Variants in SLC18A2 observed in about 807,000 individuals in gnomAD.
SLC18A2 encodes synaptic vesicular amine transporter.
A neutral mutation model predicts 59.2 loss-of-function variants in SLC18A2; 33 were observed. That is an observed-to-expected ratio of 0.56 (90% confidence interval 0.42 to 0.75). The LOEUF is 0.75. Ranked by LOEUF, SLC18A2 falls within the 30% of genes least tolerant of loss-of-function variation. The pLI is 0.00. For missense variants in SLC18A2, 569 were observed against 668.6 expected, an observed-to-expected ratio of 0.85 and a Z score of 1.64; for synonymous variants, 228 against 253.5, an observed-to-expected ratio of 0.90 and a Z score of 0.95.
intron 15 of SLC18A2, among the ~76,000 whole-genome samples, chr10:117,271,229 G>A (rs958746462): frequency 3.3e-5 from 5 of 152,228 alleles, no homozygotes; most frequent in Non-Finnish European, 5.9e-5. Flanking sequence ...GGTGAAAGGA[G>A]AGTGTCTTGG....
chr10:117,276,238 G>A (rs1844488939), intron 15 of SLC18A2, among the ~76,000 whole-genome samples: 1 of 152,076 alleles, frequency 6.6e-6, no homozygotes, highest in South Asian at 2.1e-4. Context: ...GCAGTGAGCT[G>A]AGATCGCACC....
In SLC18A2 at chr10:117,246,611, G is replaced by T. The variant is rs559577297; in HGVS notation, c.464+2298G>T. 7.9e-5 allele frequency among the ~76,000 whole-genome samples: 12 copies of T among 152,276 alleles called. 1 individual carries two copies. The South Asian group carries it at 2.5e-3, about 32-fold the overall frequency. On this transcript the variant is annotated intron_variant, in intron 3 of 15. Transcript: ENST00000644641. Reference sequence around the variant, plus strand: ...CCAGCTACCGAGCAAATTTGAAAATGATTTTCTAGTGCTGCCTGGTAATAT... The same window carrying T: ...CCAGCTACCGAGCAAATTTGAAAATTATTTTCTAGTGCTGCCTGGTAATAT...
At chr10:117,267,237 A>G (rs1044821696) in intron 12 of SLC18A2, 1 of 562,632 alleles carries the variant, frequency 1.8e-6, no homozygotes, top group Non-Finnish European at 3.1e-6. Flanking sequence ...GTCAGAAATT[A>G]TTTAAAATGT....
chr10:117,254,323 G>T, intron 5 of SLC18A2, 82 bp from the exon 6 acceptor site: 1 of 1,295,870 alleles, frequency 7.7e-7, no homozygotes. Context: ...CACAAGGCTG[G>T]CTGGAGAGGG....
chr10:117,276,071 A>C (rs1331598108), intron 15 of SLC18A2, among the ~76,000 whole-genome samples: 1 of 151,370 alleles, frequency 6.6e-6, no homozygotes, highest in Non-Finnish European at 1.5e-5. Context: ...CAGGAAGATC[A>C]CTTGAGCCCA....
chr10:117,243,250 C>A (rs563205118), intron 2 of SLC18A2, among the ~76,000 whole-genome samples: 1 of 152,296 alleles, frequency 6.6e-6, no homozygotes, highest in Middle Eastern at 3.4e-3. Flanking sequence ...TCTTTTGAGC[C>A]TCTCTTTCTT....
Position 117,278,512 on chromosome 10 carries a change from A to G in SLC18A2, c.*1246A>G, listed in dbSNP as rs1844532443. The G allele has an allele frequency of 6.6e-6, 1 of 152,210 alleles. No homozygotes were observed. Among genetic ancestry groups the G allele is most frequent in the African/African-American group, 2.4e-5 (1 of 41,450 alleles). 9.4% of individuals were successfully genotyped at this position (152,210 alleles called of 1,614,324 possible). On this transcript the variant is annotated 3_prime_UTR_variant, in exon 16 of 16. Transcript: ENST00000644641. The stretch of plus-strand genomic sequence containing the variant: ...GTAACAGCAAATACTGTTAGTGAAC[A>G]TTGTCAATTTATGTCATTTTGTTAA...
Position 117,244,286 on chromosome 10 carries a change from A to G in SLC18A2, c.437A>G (p.Asn146Ser), listed in dbSNP as rs2133726023. 1.2e-6 allele frequency: 2 copies of G among 1,613,970 alleles called. No homozygotes were observed. Among genetic ancestry groups the G allele is most frequent in the East Asian group, 2.2e-5 (1 of 44,872 alleles). ...AAAGCCACCGTCCAGCTCATCACCA[A>G]CCCTTTCATAGGACTACTGACCAAC... ...ASKATVQLIT[N>S]PFIGLLTNRI... Residue 146 changes from asparagine (N) to serine (S), a missense_variant, in exon 3 of 16, where the codon AAC (asparagine) becomes AGC (serine). Around this residue, in one of 2 missense-constraint regions of SLC18A2, gnomAD observed 377 missense variants for 389.8 expected, o/e 0.97. Transcript: ENST00000644641.
chr10:117,249,516 T>G (rs1469772813), intron 3 of SLC18A2, among the ~76,000 whole-genome samples: 2 of 152,110 alleles, frequency 1.3e-5, no homozygotes, highest in African/African-American at 2.4e-5. Context: ...CTTTTAGGAG[T>G]GTGTAGGGAT....
In SLC18A2 at chr10:117,241,786, G is replaced by T; in HGVS notation, c.93G>T (p.Leu31=). ...LILFIVFLAL[L]LDNMLLTVVV... The stretch of plus-strand genomic sequence containing the variant: ...TGTTCATCGTGTTCCTGGCGCTGCT[G>T]CTGGACAACATGCTGCTCACTGTCG... The change falls in exon 2 of 16, where the codon CTG becomes CTT. Residue 31 remains leucine, a synonymous_variant. Coordinates refer to ENST00000644641, the MANE Select transcript of SLC18A2 (RefSeq NM_003054.6). The T allele has an allele frequency of 6.2e-7, 1 of 1,611,006 alleles. No homozygotes were observed. Among genetic ancestry groups the T allele is most frequent in the Non-Finnish European group, 8.5e-7 (1 of 1,179,080 alleles).
intron 3 of SLC18A2, 81 bp from the exon 4 acceptor site, chr10:117,253,318 G>A (rs2133732377): frequency 3.9e-6 from 4 of 1,019,552 alleles, no homozygotes; most frequent in African/African-American, 1.6e-5. Context: ...GATCCCAAAG[G>A]GTAGCCAGGC....
At position 117,243,990 on chromosome 10, in the gene SLC18A2, T is replaced by C; in HGVS notation, c.141T>C (p.Tyr47=). The change falls in exon 3 of 16, where the codon TAT becomes TAC. Residue 47 remains tyrosine, a synonymous_variant. Transcript: ENST00000644641. ...CCCCAGTCCCCATCATCCCAAGTTA[T>C]CTGTACAGCATTAAGCATGAGAAGA... is the stretch of plus-strand genomic sequence containing the variant. The part of the protein sequence containing the change: ...LTVVVPIIPS[Y]LYSIKHEKNA... The C allele has an allele frequency of 3.1e-6, 5 of 1,613,614 alleles. No individual in the cohort carries two copies. The highest frequency in any genetic ancestry group is 3.4e-6 in the Non-Finnish European group (4 of 1,179,676).
Position 117,278,818 on chromosome 10 carries a change from C to A in SLC18A2, c.*1552C>A, listed in dbSNP as rs1343743083. The stretch of plus-strand genomic sequence containing the variant: ...CAGTGTGTTTGAAGCAAACGAACTT[C>A]CAACTCACTTATTTGGCATTGGGCA... On this transcript the variant is annotated 3_prime_UTR_variant, in exon 16 of 16. Coordinates refer to ENST00000644641, the MANE Select transcript of SLC18A2 (RefSeq NM_003054.6). The A allele has an allele frequency of 1.3e-5, 2 of 152,168 alleles. No individual in the cohort carries two copies. The highest frequency in any genetic ancestry group is 2.9e-5 in the Non-Finnish European group (2 of 68,036). 9.4% of individuals were successfully genotyped at this position (152,168 alleles called of 1,614,324 possible). A position where few individuals can be genotyped will look rare whatever the true frequency, so the allele number is the denominator to read the frequency against.
chr10:117,264,841 T>C (rs1844331382), intron 10 of SLC18A2, among the ~76,000 whole-genome samples: 1 of 152,196 alleles, frequency 6.6e-6, no homozygotes, highest in Admixed American at 6.5e-5. Context: ...ACACAGCTTT[T>C]GAGGCCAGGT....
chr10:117,243,980 T>A lies in SLC18A2; in HGVS notation c.131T>A (p.Ile44Asn), dbSNP rs1258627120. The A allele has an allele frequency of 6.2e-7, 1 of 1,612,064 alleles. No homozygotes were observed. ...CTGCTCTTATCCCCAGTCCCCATCA[T>A]CCCAAGTTATCTGTACAGCATTAAG... The part of the protein sequence containing the change: ...NMLLTVVVPI[I>N]PSYLYSIKHE... The change falls in exon 3 of 16, where the codon ATC (isoleucine) becomes AAC (asparagine). Residue 44 changes from isoleucine to asparagine, a missense_variant. Transcript: ENST00000644641.
rs562552892 is a variant in SLC18A2 at position 117,245,656 on chromosome 10, G to A, written c.464+1343G>A. ...CATTATGAAACACTTCAAGGTGGCA[G>A]CAGAGCATTAAATCAACCAAGCTCT... On this transcript the variant is annotated intron_variant, in intron 3 of 15. Transcript: ENST00000644641. 4.1e-3 allele frequency among the ~76,000 whole-genome samples: 629 copies of A among 152,194 alleles called. 2 individuals are homozygous for A. The highest frequency in any genetic ancestry group is 0.014 in the African/African-American group (586 of 41,512).
intron 15 of SLC18A2, among the ~76,000 whole-genome samples, chr10:117,273,071 TAAC>T: frequency 6.6e-6 from 1 of 152,374 alleles, no homozygotes; most frequent in East Asian, 1.9e-4. Flanking sequence ...AGCATCCTGA[TAAC>T]AAGGTGTTTG....
intron 3 of SLC18A2, among the ~76,000 whole-genome samples, chr10:117,252,550 C>A (rs926701692): frequency 3.9e-5 from 6 of 152,152 alleles, no homozygotes; most frequent in Admixed American, 2.6e-4. Context: ...CATGCCCCAC[C>A]CACAGAGCAG....
chr10:117,274,528 C>T lies in SLC18A2; in HGVS notation c.1441-2634C>T, dbSNP rs949969304. 5.9e-5 allele frequency among the ~76,000 whole-genome samples: 9 copies of T among 152,152 alleles called. No individual in the cohort carries two copies. The South Asian group carries it at 1.5e-3, about 25-fold the overall frequency. The stretch of plus-strand genomic sequence containing the variant: ...TGACCGTTCTTTATAAGGTGACCTG[C>T]CTGCCTGGGAGCCGTGCAAGGATCG... On this transcript the variant is annotated intron_variant, in intron 15 of 15. Coordinates refer to ENST00000644641, the MANE Select transcript of SLC18A2 (RefSeq NM_003054.6).
Sources: gnomAD v4.1 joint callset for allele counts (sites outside exome capture counted in the v4.1 genomes callset) on GRCh38, gnomAD v4.1.1 for gene constraint, gnomAD v4.1.1 regional missense constraint, MANE v1.5 for transcripts, NCBI Gene and HGNC (gene_info 2026-07-23, HGNC 2026-07-21) for gene names.